SZT2: variants seen among roughly 807,000 people sequenced by gnomAD.
SZT2 encodes SZT2 subunit of KICSTOR complex.
A neutral mutation model predicts 404.2 loss-of-function variants in SZT2; 216 were observed. The observed-to-expected ratio is 0.53, with a 90% confidence interval of 0.48 to 0.60. The LOEUF (loss-of-function observed/expected upper bound fraction) is 0.60. Ranked by LOEUF, SZT2 falls within the 20% of genes least tolerant of loss-of-function variation. The pLI is 0.00. For missense variants in SZT2, 3,857 were observed against 4,459.2 expected, an observed-to-expected ratio of 0.86 and a Z score of 3.85; for synonymous variants, 1,693 against 1,749.9, an observed-to-expected ratio of 0.97 and a Z score of 0.81.
rs1233042564 is a variant in SZT2, at chr1:43,440,038, C to T, written c.7200C>T (p.Asp2400=). 1.2e-6 allele frequency: 2 copies of T among 1,613,866 alleles called. No homozygotes were observed. The highest frequency in any genetic ancestry group is 1.7e-6 in the Non-Finnish European group (2 of 1,179,930). Reference sequence around the variant, plus strand: ...TGCCAGCTTCACTATGTACAGAGGACACACCCACAGGTATGCAAGTCAAGA... The same window carrying T: ...TGCCAGCTTCACTATGTACAGAGGATACACCCACAGGTATGCAAGTCAAGA... ...QLLPASLCTE[D]TPTGSLRNGS... is the part of the protein sequence containing the mutation. The change falls in exon 51 of 72, where the codon GAC becomes GAT. Residue 2400 remains aspartate (D), a synonymous_variant. Coordinates refer to ENST00000634258, the MANE Select transcript of SZT2 (RefSeq NM_001365999.1).
intron 65 of SZT2, chr1:43,446,719 A>C (rs996230616): frequency 2.6e-5 from 16 of 618,862 alleles, no homozygotes; most frequent in African/African-American, 3.7e-5. Context: ...GGATAGAGCA[A>C]AATGGCCCAG....
chr1:43,446,514 G>C (rs1655693178), intron 65 of SZT2, 98 bp downstream of exon 65: 11 of 1,455,026 alleles, frequency 7.6e-6, no homozygotes, highest in Non-Finnish European at 9.5e-6. Context: ...TAATGCAGTA[G>C]GCGGGCTGGC....
In SZT2 at chr1:43,435,342, C is replaced by A; in HGVS notation, c.6034+13C>A. On this transcript the variant is annotated intron_variant, in intron 42 of 71. Transcript: ENST00000634258. ...CTGCCCAGTGATGGTGAGATCCCAC[C>A]CAGGAGCCTCCCTCACAAGGCAGTG... The A allele has an allele frequency of 6.2e-7, 1 of 1,613,554 alleles. No homozygotes were observed. Among genetic ancestry groups the A allele is most frequent in the Non-Finnish European group, 8.5e-7 (1 of 1,179,838 alleles).
rs2153931635 is a variant in SZT2, at chr1:43,416,570, C to T, written c.808C>T (p.Pro270Ser). 1 of 1,598,324 alleles carries T rather than the reference C, an allele frequency of 6.3e-7. No individual in the cohort carries two copies. Among genetic ancestry groups the T allele is most frequent in the Non-Finnish European group, 8.5e-7 (1 of 1,179,792 alleles). The change falls in exon 7 of 72, where the codon CCT (proline) becomes TCT (serine). Residue 270 changes from proline to serine, a missense_variant. Around this residue, in one of 7 missense-constraint regions of SZT2, gnomAD observed 536 missense variants for 637.4 expected, o/e 0.84. Coordinates refer to ENST00000634258, the MANE Select transcript of SZT2 (RefSeq NM_001365999.1). ...IVITDGVTSVPDVAVCETLLN... is the reference protein window; with the variant it reads ...IVITDGVTSVSDVAVCETLLN... ...GATCACGGATGGGGTGACCAGTGTA[C>T]CTGATGTTGCTGTCTGTGAGACACT...
chr1:43,427,202 C>T (rs770431025), intron 24 of SZT2, 23 bp downstream of exon 24: 17 of 1,612,592 alleles, frequency 1.1e-5, no homozygotes, highest in Admixed American at 1.0e-4. Flanking sequence ...GACCTCCTCA[C>T]GAACCCCCTC....
At position 43,447,772 on chromosome 1, in the gene SZT2, A is replaced by G. The variant is rs1570740546; in HGVS notation, c.9440+74A>G. Reference sequence around the variant, plus strand: ...GGGACATACTTGCAGTAGGGAGACCAATGTTTTCTTGGGCAGGGGTGAGGT... The same window carrying G: ...GGGACATACTTGCAGTAGGGAGACCGATGTTTTCTTGGGCAGGGGTGAGGT... On this transcript the variant is annotated intron_variant, in intron 67 of 71. Coordinates refer to ENST00000634258, the MANE Select transcript of SZT2 (RefSeq NM_001365999.1). 4.3e-6 allele frequency: 7 copies of G among 1,610,808 alleles called. No homozygotes were observed. The East Asian group carries it at 1.3e-4, about 31-fold the overall frequency.
In SZT2 at chr1:43,424,731, A is replaced by C. The variant is rs1193279340; in HGVS notation, c.2472-53A>C. 6.8e-7 allele frequency: 1 copy of C among 1,480,026 alleles called. No individual in the cohort carries two copies. The highest frequency in any genetic ancestry group is 9.4e-7 in the Non-Finnish European group (1 of 1,060,596). 91.7% of individuals were successfully genotyped at this position (1,480,026 alleles called of 1,614,324 possible). A position where few individuals can be genotyped will look rare whatever the true frequency, so the allele number is the denominator to read the frequency against. ...GTATGTGGGGAGAGCTTGTAGTCTC[A>C]GTGTCTCTTCTTCCCTTATCCTGGC... On this transcript the variant is annotated intron_variant, in intron 16 of 71. Coordinates refer to ENST00000634258, the MANE Select transcript of SZT2 (RefSeq NM_001365999.1). The surrounding 1 kb of genome is among the most constrained non-coding windows in gnomAD (Gnocchi z 4.1).
At position 43,430,568 on chromosome 1, in the gene SZT2, A is replaced by C. The variant is rs2153933857; in HGVS notation, c.4553A>C (p.Glu1518Ala). 1 of 1,614,174 alleles carries C rather than the reference A, an allele frequency of 6.2e-7. No homozygotes were observed. The highest frequency in any genetic ancestry group is 8.5e-7 in the Non-Finnish European group (1 of 1,180,032). Residue 1518 changes from glutamate (E) to alanine (A), a missense_variant, in exon 32 of 72, where the codon GAA becomes GCA. Transcript: ENST00000634258. Reference sequence around the variant, plus strand: ...GAGGTAGAATACCGGGAGAGCCGTGAATCAGACCTGGGGCCTGCTGGGCTA... The same window carrying C: ...GAGGTAGAATACCGGGAGAGCCGTGCATCAGACCTGGGGCCTGCTGGGCTA... ...ELEVEYRESRESDLGPAGLDS... is the reference protein window; with the variant it reads ...ELEVEYRESRASDLGPAGLDS...
At chr1:43,415,017 G>A in intron 4 of SZT2, 65 bp from the exon 5 acceptor site, 1 of 1,556,954 alleles carries the variant, frequency 6.4e-7, no homozygotes, top group African/African-American at 1.3e-5. Flanking sequence ...AATAAACAGA[G>A]CAGAAGTGTA....
In SZT2 at chr1:43,450,769, A is replaced by G. The variant is rs1656297567; in HGVS notation, c.*289A>G. 4 of 700,564 alleles carry G rather than the reference A, an allele frequency of 5.7e-6. No individual in the cohort carries two copies. The highest frequency in any genetic ancestry group is 1.1e-5 in the Non-Finnish European group (4 of 380,454). 43.4% of individuals were successfully genotyped at this position (700,564 alleles called of 1,614,324 possible). ...GGGTACTCCTTTCGGCCCCCCTGGT[A>G]GAGTCTCGGGAGTTCACACAGGGTG... On this transcript the variant is annotated 3_prime_UTR_variant, in exon 72 of 72. Transcript: ENST00000634258. The surrounding 1 kb of genome is among the most constrained non-coding windows in gnomAD (Gnocchi z 4.3).
Position 43,431,889 on chromosome 1 carries a change from A to G in SZT2, c.5262A>G (p.Thr1754=). ...TATTTGGGCCAGAGCGTTCCCTCAC[A>G]CAATTCAAGGAGGTAAGTTGCCCTC... The part of the protein sequence containing the change: ...SFVFGPERSL[T]QFKEEFRRLH... Residue 1754 remains threonine (T), a synonymous_variant, in exon 36 of 72, where the codon ACA becomes ACG. Coordinates refer to ENST00000634258, the MANE Select transcript of SZT2 (RefSeq NM_001365999.1). 1.2e-6 allele frequency: 2 copies of G among 1,614,058 alleles called. No homozygotes were observed. The highest frequency in any genetic ancestry group is 1.7e-6 in the Non-Finnish European group (2 of 1,180,008).
Position 43,423,214 on chromosome 1 carries a change from G to C in SZT2, c.2153G>C (p.Ser718Thr). ...RKGLGGAGGG[S>T]SPSKSPPVLG... ...GGGCTAGGGGGTGCTGGTGGGGGCA[G>C]CTCTCCCTCCAAGTCACCCCCCGTG... is the stretch of plus-strand genomic sequence containing the variant. The change falls in exon 15 of 72, where the codon AGC becomes ACC. Residue 718 changes from serine (S) to threonine (T), a missense_variant. Around this residue, in one of 7 missense-constraint regions of SZT2, gnomAD observed 1,725 missense variants for 1,881.0 expected, o/e 0.92. Coordinates refer to ENST00000634258, the MANE Select transcript of SZT2 (RefSeq NM_001365999.1). 1 of 1,596,752 alleles carries C rather than the reference G, an allele frequency of 6.3e-7. No individual in the cohort carries two copies. The highest frequency in any genetic ancestry group is 8.5e-7 in the Non-Finnish European group (1 of 1,178,894).
In SZT2 at chr1:43,425,250, C is replaced by G; in HGVS notation, c.2645+43C>G. 6.2e-7 allele frequency: 1 copy of G among 1,607,722 alleles called. No homozygotes were observed. The highest frequency in any genetic ancestry group is 8.5e-7 in the Non-Finnish European group (1 of 1,174,660). ...TGAGGGCCGCCTCTGCAGAGTCAGC[C>G]TTCTCCCCACCATCCCCTAGAGGTC... On this transcript the variant is annotated intron_variant, in intron 18 of 71. Coordinates refer to ENST00000634258, the MANE Select transcript of SZT2 (RefSeq NM_001365999.1). The surrounding 1 kb of genome is among the most constrained non-coding windows in gnomAD (Gnocchi z 4.3).
Position 43,453,603 on chromosome 1 carries a change from G to T in SZT2, c.*3123G>T. Reference sequence around the variant, plus strand: ...CCCGGCCCGCGACGCACCCGGGGGCGTGTTGATCAGTACAAGCCGCAGCCC... The same window carrying T: ...CCCGGCCCGCGACGCACCCGGGGGCTTGTTGATCAGTACAAGCCGCAGCCC... On this transcript the variant is annotated 3_prime_UTR_variant, in exon 72 of 72. Transcript: ENST00000634258. 2.6e-6 allele frequency: 4 copies of T among 1,527,684 alleles called. No individual in the cohort carries two copies. The highest frequency in any genetic ancestry group is 2.8e-5 in the African/African-American group (2 of 72,316). 94.6% of individuals were successfully genotyped at this position (1,527,684 alleles called of 1,614,324 possible).
At position 43,427,636 on chromosome 1, in the gene SZT2, C is replaced by T. The variant is rs761720554; in HGVS notation, c.3705C>T (p.Thr1235=). The T allele has an allele frequency of 1.2e-6, 2 of 1,614,204 alleles. No individual in the cohort carries two copies. Among genetic ancestry groups the T allele is most frequent in the Admixed American group, 3.3e-5 (2 of 60,028 alleles). The change falls in exon 26 of 72, where the codon ACC becomes ACT. Residue 1235 remains threonine (T), a synonymous_variant. Transcript: ENST00000634258. ...CAGAGAGTGCGGATGGGCCCCGGAC[C>T]CGGTGTCCTGTCTACATCTACAGCT... is the stretch of plus-strand genomic sequence containing the variant. ...SQTESADGPR[T]RCPVYIYSCS...
In SZT2 at chr1:43,427,701, A is replaced by G; in HGVS notation, c.3770A>G (p.Gln1257Arg). 1 of 1,613,994 alleles carries G rather than the reference A, an allele frequency of 6.2e-7. No individual in the cohort carries two copies. The highest frequency in any genetic ancestry group is 8.5e-7 in the Non-Finnish European group (1 of 1,180,026). ...CTGAGGGAACAAATGGTTGGCATGC[A>G]GCCCCCTCAGGCGCCCCGAGACCTC... ...EALREQMVGMQPPQAPRDLIF... is the reference protein window; with the variant it reads ...EALREQMVGMRPPQAPRDLIF... Residue 1257 changes from glutamine (Q) to arginine (R), a missense_variant, in exon 26 of 72, where the codon CAG (glutamine) becomes CGG (arginine). Gln to Arg is a conservative substitution (Grantham distance 43, BLOSUM62 1). Around this residue, in one of 7 missense-constraint regions of SZT2, gnomAD observed 1,725 missense variants for 1,881.0 expected, o/e 0.92. Transcript: ENST00000634258.
Position 43,423,090 on chromosome 1 carries a change from TC to T in SZT2, c.2038-5del, listed in dbSNP as rs750236025. On this transcript the variant is annotated splice_polypyrimidine_tract_variant and splice_region_variant and intron_variant, in intron 14 of 71. Coordinates refer to ENST00000634258, the MANE Select transcript of SZT2 (RefSeq NM_001365999.1). ...GGAGTAAGAGGATGTGACCACATTT[TC>T]CCCTCAGATTGTGTCAGGCTTGAGG... 10 of 1,578,790 alleles carry T rather than the reference TC, an allele frequency of 6.3e-6. No homozygotes were observed. Among genetic ancestry groups the T allele is most frequent in the Non-Finnish European group, 8.5e-6 (10 of 1,170,494 alleles).
At chr1:43,422,743 G>A (rs1248536463) in intron 13 of SZT2, 26 bp from the exon 14 acceptor site, 1 of 1,546,368 alleles carries the variant, frequency 6.5e-7, no homozygotes, top group Non-Finnish European at 8.7e-7. Context: ...ACCTTGGGCT[G>A]CTCACTGACT....
chr1:43,402,538 T>A (rs1649801958), intron 1 of SZT2, among the ~76,000 whole-genome samples: 1 of 152,194 alleles, frequency 6.6e-6, no homozygotes, highest in Non-Finnish European at 1.5e-5. Flanking sequence ...CAGATAAGAT[T>A]TGACAGGACA....
Sources: allele counts gnomAD v4.1 joint callset (sites outside exome capture counted in the v4.1 genomes callset), GRCh38; gene constraint gnomAD v4.1.1; regional missense constraint gnomAD v4.1.1; non-coding constraint Gnocchi (gnomAD v3.1); transcripts MANE v1.5; gene names NCBI Gene and HGNC (gene_info 2026-07-23, HGNC 2026-07-21).